The following ZNF711 variants were observed in gnomAD, a reference collection of about 807,000 sequenced individuals.
ZNF711 encodes the protein ZFX family zinc finger ZNF711.
Under a neutral mutation model 43.5 loss-of-function variants are expected in ZNF711, and 3 were observed. That is an observed-to-expected ratio of 0.07 (90% CI 0.03 to 0.18). The LOEUF (loss-of-function observed/expected upper bound fraction) is 0.18. Ranked by LOEUF, ZNF711 falls within the 10% of genes least tolerant of loss-of-function variation. The probability of loss-of-function intolerance (pLI) is 1.00; values close to 1 mark genes in which losing one functional copy is unlikely to be tolerated. For missense variants in ZNF711, 412 were observed against 604.0 expected (o/e 0.68, Z 3.33); for synonymous variants, 209 against 207.7 (o/e 1.01, Z -0.06).
intron 1 of ZNF711, among the ~76,000 whole-genome samples, chrX:85,245,065 A>C (rs1042062980): frequency 2.5e-4 from 28 of 112,036 alleles, no homozygotes; most frequent in African/African-American, 8.1e-4. Flanking sequence ...AAGGAGACTT[A>C]TGCGGGAAGA....
At chrX:85,244,874 G>A in intron 1 of ZNF711, 1 of 113,755 alleles carries the variant, frequency 8.8e-6, no homozygotes, top group Non-Finnish European at 1.9e-5. Flanking sequence ...CAGCGGTGGC[G>A]ACCGCTGCAC....
rs977060985 is a variant in ZNF711, at chrX:85,267,530, T to G, written c.1054+115T>G. ...ATGAATTGGCTAATATAATAAAATG[T>G]TTTACACTGTGGACTGATTCATCTC... On this transcript the variant is annotated intron_variant, in intron 8 of 10. Transcript: ENST00000674551. 7 of 560,571 alleles carry G rather than the reference T, an allele frequency of 1.2e-5. No individual in the cohort carries two copies. In the African/African-American group the frequency reaches 1.7e-4, roughly 14 times the overall value. The allele number at this position is 560,571 out of a possible 1,213,427, so 46.2% of individuals were successfully genotyped here.
At chrX:85,261,970 G>A (rs962027063) in intron 5 of ZNF711, among the ~76,000 whole-genome samples, 2 of 110,721 alleles carry the variant, frequency 1.8e-5, no homozygotes, top group Admixed American at 1.9e-4. Context: ...TTTCCATAAC[G>A]AAGGATATAG....
chrX:85,253,048 A>G (rs950301851), intron 4 of ZNF711, among the ~76,000 whole-genome samples: 20 of 112,302 alleles, frequency 1.8e-4, no homozygotes, highest in African/African-American at 5.8e-4. Flanking sequence ...AATTTATTAT[A>G]ACCAGATCCA....
intron 5 of ZNF711, among the ~76,000 whole-genome samples, chrX:85,260,634 A>G (rs1004557915): frequency 1.7e-4 from 18 of 107,918 alleles, no homozygotes; most frequent in Non-Finnish European, 1.9e-5. Flanking sequence ...TGAGGCAACC[A>G]TGCCTGTATA....
Position 85,255,565 on chromosome X carries a change from T to C in ZNF711, c.386T>C (p.Phe129Ser). 1 of 1,211,897 alleles carries C rather than the reference T, an allele frequency of 8.3e-7. No homozygotes were observed. ...ACCGTTAGGGTACCAGAGCAGGTTT[T>C]CGTGGCTGACCTTGTTACTGGTCCT... ...TETVRVPEQVFVADLVTGPNG... is the reference protein window; with the variant it reads ...TETVRVPEQVSVADLVTGPNG... The change falls in exon 5 of 11, where the codon TTC (phenylalanine) becomes TCC (serine). Residue 129 changes from phenylalanine to serine, a missense_variant. By Grantham distance (155) the Phe-to-Ser change is radical. Around this residue, in one of 4 missense-constraint regions of ZNF711, gnomAD observed 375 missense variants for 514.2 expected, o/e 0.73. Coordinates refer to ENST00000674551, the MANE Select transcript of ZNF711 (RefSeq NM_001330574.2).
At chrX:85,263,122 A>G (rs1358077888) in intron 5 of ZNF711, among the ~76,000 whole-genome samples, 1 of 110,854 alleles carries the variant, frequency 9.0e-6, no homozygotes, top group Non-Finnish European at 1.9e-5. Context: ...AACAGCATTA[A>G]AAGAATAAAT....
chrX:85,253,754 T>G (rs1443276347), intron 4 of ZNF711, among the ~76,000 whole-genome samples: 1 of 100,433 alleles, frequency 1.0e-5, no homozygotes, highest in African/African-American at 4.0e-5. Flanking sequence ...GCTATCCCTG[T>G]GTGTTCACAG....
At chrX:85,268,932 T>G (rs888069427) in intron 9 of ZNF711, among the ~76,000 whole-genome samples, 1 of 111,802 alleles carries the variant, frequency 8.9e-6, no homozygotes, top group Admixed American at 9.5e-5. Context: ...GGTGTTGATT[T>G]CGAGAAATTG....
At chrX:85,254,464 G>C (rs1449256302) in intron 4 of ZNF711, among the ~76,000 whole-genome samples, 1 of 83,789 alleles carries the variant, frequency 1.2e-5, no homozygotes, top group Non-Finnish European at 2.2e-5. Flanking sequence ...AAAATTAGCC[G>C]GGCGCGGTGG....
Position 85,270,996 on chromosome X carries a change from C to A in ZNF711, c.1592C>A (p.Thr531Asn), listed in dbSNP as rs150165284. The change falls in exon 11 of 11, where the codon ACT becomes AAT. Residue 531 changes from threonine (T) to asparagine (N), a missense_variant. Thr to Asn is a moderately conservative substitution (Grantham distance 65). Around this residue, in one of 4 missense-constraint regions of ZNF711, gnomAD observed 375 missense variants for 514.2 expected, o/e 0.73. Coordinates refer to ENST00000674551, the MANE Select transcript of ZNF711 (RefSeq NM_001330574.2). ...MHKCKYCDYE[T>N]AEQGLLNRHL... ...AAGTGCAAATACTGTGACTATGAAA[C>A]TGCAGAACAAGGACTGTTAAACAGG... 1 of 1,209,237 alleles carries A rather than the reference C, an allele frequency of 8.3e-7. No individual in the cohort carries two copies. The highest frequency in any genetic ancestry group is 1.8e-5 in the African/African-American group (1 of 57,057).
intron 5 of ZNF711, among the ~76,000 whole-genome samples, chrX:85,260,238 G>A (rs1367954789): frequency 1.8e-5 from 2 of 110,879 alleles, no homozygotes; most frequent in Non-Finnish European, 3.8e-5. Flanking sequence ...TCCTTGGAAT[G>A]AAACCTAGTT....
Position 85,271,876 on chromosome X carries a change from C to A in ZNF711, c.*48C>A. 1 of 1,053,973 alleles carries A rather than the reference C, an allele frequency of 9.5e-7. No individual in the cohort carries two copies. Among genetic ancestry groups the A allele is most frequent in the Non-Finnish European group, 1.3e-6 (1 of 758,520 alleles). 86.9% of individuals were successfully genotyped at this position (1,053,973 alleles called of 1,213,427 possible). A position where few individuals can be genotyped will look rare whatever the true frequency, so the allele number is the denominator to read the frequency against. On this transcript the variant is annotated 3_prime_UTR_variant, in exon 11 of 11. Transcript: ENST00000674551. ...GCTATTTAGGAGATATGATATGCTA[C>A]TTGGGAGAAAACTCTCACTAACTGT...
chrX:85,272,967 A>C lies in ZNF711; in HGVS notation c.*1139A>C, dbSNP rs753377609. On this transcript the variant is annotated 3_prime_UTR_variant, in exon 11 of 11. Coordinates refer to ENST00000674551, the MANE Select transcript of ZNF711 (RefSeq NM_001330574.2). ...GCTGCAAATCAAAATGGCACTTAAT[A>C]TTAAAAGCTGGTTTAGGGAAATTTT... The C allele has an allele frequency of 8.9e-6, 1 of 112,124 alleles. No homozygotes were observed. The highest frequency in any genetic ancestry group is 3.2e-5 in the African/African-American group (1 of 30,890). 9.2% of individuals were successfully genotyped at this position (112,124 alleles called of 1,213,427 possible).
At chrX:85,261,177 A>G (rs946434389) in intron 5 of ZNF711, among the ~76,000 whole-genome samples, 2 of 110,828 alleles carry the variant, frequency 1.8e-5, no homozygotes, top group Non-Finnish European at 3.8e-5. Flanking sequence ...GTGGACCTGC[A>G]CAATTCAAAC....
intron 4 of ZNF711, among the ~76,000 whole-genome samples, chrX:85,253,724 T>C (rs1445838205): frequency 1.8e-5 from 2 of 108,723 alleles, no homozygotes; most frequent in Non-Finnish European, 3.8e-5. Context: ...GATGCAGAGC[T>C]GTTCTATCAC....
chrX:85,261,076 G>A (rs1335325843), intron 5 of ZNF711, among the ~76,000 whole-genome samples: 1 of 111,079 alleles, frequency 9.0e-6, no homozygotes, highest in Admixed American at 9.6e-5. Flanking sequence ...CATCCTTATT[G>A]TCCTCACATT....
chrX:85,253,955 T>G (rs1929793245), intron 4 of ZNF711, among the ~76,000 whole-genome samples: 1 of 111,787 alleles, frequency 8.9e-6, no homozygotes, highest in Non-Finnish European at 1.9e-5. Context: ...AAATTCAGGT[T>G]GTTGAATATA....
Position 85,255,456 on chromosome X carries a change from G to T in ZNF711, c.277G>T (p.Val93Leu), listed in dbSNP as rs980837769. Residue 93 changes from valine to leucine, a missense_variant, in exon 5 of 11, where the codon GTA becomes TTA. By Grantham distance (32) the Val-to-Leu change is conservative (BLOSUM62 1). Around this residue, in one of 4 missense-constraint regions of ZNF711, gnomAD observed 375 missense variants for 514.2 expected, o/e 0.73. Transcript: ENST00000674551. ...VTEGVIVPEA[V>L]LEADVAIEED... ...AGAAGGTGTGATTGTTCCTGAAGCGGTACTTGAAGCTGATGTTGCCATTGA... is the reference window on the plus strand; with the variant it reads ...AGAAGGTGTGATTGTTCCTGAAGCGTTACTTGAAGCTGATGTTGCCATTGA... 2 of 1,209,915 alleles carry T rather than the reference G, an allele frequency of 1.7e-6. No homozygotes were observed. Among genetic ancestry groups the T allele is most frequent in the African/African-American group, 3.5e-5 (2 of 57,123 alleles).
Sources: gnomAD v4.1 joint callset for allele counts (sites outside exome capture counted in the v4.1 genomes callset) on GRCh38, gnomAD v4.1.1 for gene constraint, gnomAD v4.1.1 regional missense constraint, MANE v1.5 for transcripts, NCBI Gene and HGNC (gene_info 2026-07-23, HGNC 2026-07-21) for gene names.